KIF26A: variants seen among roughly 807,000 people sequenced by gnomAD.
KIF26A encodes the protein kinesin-like protein KIF26A.
A neutral mutation model predicts 126.0 loss-of-function variants in KIF26A; 74 were observed. That is an observed-to-expected ratio of 0.59 (90% CI 0.49 to 0.71). The LOEUF (loss-of-function observed/expected upper bound fraction) is 0.71. Ranked by LOEUF, KIF26A falls within the 30% of genes least tolerant of loss-of-function variation. The pLI is 0.00. For synonymous variants in KIF26A, 1,445 were observed against 1,232.7 expected, an observed-to-expected ratio of 1.17 and a Z score of -3.61; for missense variants, 2,984 against 2,763.3, an observed-to-expected ratio of 1.08 and a Z score of -1.79.
chr14:104,175,815 G>A lies in KIF26A; in HGVS notation c.3027G>A (p.Pro1009=), dbSNP rs1304370703. ...CPRLAAGSRC[P]ERGLLTTTVT... is the part of the protein sequence containing the mutation. The stretch of plus-strand genomic sequence containing the variant: ...GCCTGGCTGCTGGCAGTCGCTGTCC[G>A]GAGCGGGGCCTGCTCACCACCACAG... Residue 1009 remains proline (P), a synonymous_variant, in exon 12 of 15, where the codon CCG becomes CCA. Transcript: ENST00000423312. The A allele has an allele frequency of 7.1e-6, 11 of 1,538,786 alleles. No individual in the cohort carries two copies. The East Asian group carries it at 7.3e-5, about 10-fold the overall frequency.
rs2038038627 is a variant in KIF26A at position 104,177,057 on chromosome 14, C to T, written c.4269C>T (p.Ala1423=). ...PRATSSLKAR[A]SKVEAAHRLA... is the part of the protein sequence containing the mutation. ...CCACGTCCAGCCTGAAGGCCCGGGC[C>T]AGCAAGGTAGAAGCAGCACACCGTC... The change falls in exon 12 of 15, where the codon GCC becomes GCT. Residue 1423 remains alanine (A), a synonymous_variant. Coordinates refer to ENST00000423312, the MANE Select transcript of KIF26A (RefSeq NM_015656.2). 1 of 1,588,796 alleles carries T rather than the reference C, an allele frequency of 6.3e-7. No homozygotes were observed. The highest frequency in any genetic ancestry group is 8.5e-7 in the Non-Finnish European group (1 of 1,175,782).
chr14:104,174,243 A>G lies in KIF26A; in HGVS notation c.2126A>G (p.His709Arg). 6.3e-7 allele frequency: 1 copy of G among 1,578,022 alleles called. No individual in the cohort carries two copies. The stretch of plus-strand genomic sequence containing the variant: ...CACGTGTCGGATGCGCCAGCCCAGC[A>G]CGCAGAGACACTCAGCACCGTGCAG... ...IAHVSDAPAQ[H>R]AETLSTVQLA... Residue 709 changes from histidine to arginine, a missense_variant, in exon 11 of 15, where the codon CAC becomes CGC. Transcript: ENST00000423312.
chr14:104,169,458 A>G (rs1351442659), intron 5 of KIF26A, among the ~76,000 whole-genome samples: 1 of 152,044 alleles, frequency 6.6e-6, no homozygotes, highest in Non-Finnish European at 1.5e-5. Flanking sequence ...CATGGCAGTC[A>G]CACCCCCACC....
rs1345524947 is a variant in KIF26A, at chr14:104,152,628, C to A, written c.735+167C>A. Among the ~76,000 whole-genome samples the A allele has an allele frequency of 1.3e-5, 2 of 152,204 alleles. No individual in the cohort carries two copies. Among genetic ancestry groups the A allele is most frequent in the East Asian group, 3.8e-4 (2 of 5,202 alleles). ...CTCCTGAGGCCCCACATCAGATGCACCCTTGATGGTGCACAGCAGCTGTTC... is the reference window on the plus strand; with the variant it reads ...CTCCTGAGGCCCCACATCAGATGCAACCTTGATGGTGCACAGCAGCTGTTC... On this transcript the variant is annotated intron_variant, in intron 3 of 14. Coordinates refer to ENST00000423312, the MANE Select transcript of KIF26A (RefSeq NM_015656.2). This position sits in a 1 kb window ranked among gnomAD's most constrained non-coding sequence, Gnocchi z 5.9.
chr14:104,169,418 G>A (rs58635651), intron 5 of KIF26A, among the ~76,000 whole-genome samples: 4 of 152,282 alleles, frequency 2.6e-5, no homozygotes, highest in East Asian at 1.9e-4. Context: ...CCTCCTGGGG[G>A]CAGCCTTGGC....
At position 104,177,046 on chromosome 14, in the gene KIF26A, A is replaced by G. The variant is rs1462392899; in HGVS notation, c.4258A>G (p.Lys1420Glu). ...HSVPRATSSL[K>E]ARASKVEAAH... ...TGTCCCCAGGGCCACGTCCAGCCTG[A>G]AGGCCCGGGCCAGCAAGGTAGAAGC... Residue 1420 changes from lysine (K) to glutamate (E), a missense_variant, in exon 12 of 15, where the codon AAG becomes GAG. Physicochemically the swap from Lys to Glu is moderately conservative, Grantham distance 56 (BLOSUM62 1). Transcript: ENST00000423312. 2 of 1,583,218 alleles carry G rather than the reference A, an allele frequency of 1.3e-6. No homozygotes were observed. Among genetic ancestry groups the G allele is most frequent in the Non-Finnish European group, 1.7e-6 (2 of 1,173,164 alleles).
intron 2 of KIF26A, among the ~76,000 whole-genome samples, chr14:104,145,912 C>T (rs992660100): frequency 6.6e-5 from 10 of 152,218 alleles, no homozygotes; most frequent in African/African-American, 2.4e-4. Context: ...AAGTGTCAGG[C>T]GACCTGGCTC....
Position 104,152,658 on chromosome 14 carries a change from G to A in KIF26A, c.735+197G>A, listed in dbSNP as rs2037741537. On this transcript the variant is annotated intron_variant, in intron 3 of 14. Transcript: ENST00000423312. This position sits in a 1 kb window ranked among gnomAD's most constrained non-coding sequence, Gnocchi z 5.9. ...GATGGTGCACAGCAGCTGTTCTCAGGTCCCTGCCTGACTCAGGGAATACCT... is the reference window on the plus strand; with the variant it reads ...GATGGTGCACAGCAGCTGTTCTCAGATCCCTGCCTGACTCAGGGAATACCT... Among the ~76,000 whole-genome samples the A allele has an allele frequency of 6.6e-6, 1 of 152,186 alleles. No homozygotes were observed. Among genetic ancestry groups the A allele is most frequent in the Non-Finnish European group, 1.5e-5 (1 of 68,024 alleles).
rs550366184 is a variant in KIF26A, at chr14:104,175,822, G to A, written c.3034G>A (p.Gly1012Ser). 3.2e-6 allele frequency: 5 copies of A among 1,538,756 alleles called. No individual in the cohort carries two copies. Among genetic ancestry groups the A allele is most frequent in the African/African-American group, 1.4e-5 (1 of 73,218 alleles). The change falls in exon 12 of 15, where the codon GGC becomes AGC. Residue 1012 changes from glycine to serine, a missense_variant. Gly to Ser is a moderately conservative substitution (Grantham distance 56). Transcript: ENST00000423312. ...LAAGSRCPER[G>S]LLTTTVTLQR... ...TGCTGGCAGTCGCTGTCCGGAGCGG[G>A]GCCTGCTCACCACCACAGTGACCCT...
rs118061047 is a variant in KIF26A, at chr14:104,159,184, C to T, written c.923+1242C>T. On this transcript the variant is annotated intron_variant, in intron 4 of 14. Transcript: ENST00000423312. ...CCACCCCAATTAGGTGCCGAGAGCA[C>T]GGCTGGCTGGGACCCTGGTGGGAGC... 7.3e-3 allele frequency among the ~76,000 whole-genome samples: 1,107 copies of T among 152,322 alleles called. 10 individuals carry two copies. The highest frequency in any genetic ancestry group is 0.01 in the Non-Finnish European group (692 of 68,032).
chr14:104,138,620 G>C lies in KIF26A; in HGVS notation c.-103G>C. On this transcript the variant is annotated 5_prime_UTR_variant, in exon 1 of 15. Transcript: ENST00000423312. ...GCTCTGCGAACTTCCGAGCGGCTGGGCCGGGCCATGGGGGCGCCTCGGGGC... is the reference window on the plus strand; with the variant it reads ...GCTCTGCGAACTTCCGAGCGGCTGGCCCGGGCCATGGGGGCGCCTCGGGGC... The C allele has an allele frequency of 1.1e-6, 1 of 944,578 alleles. No individual in the cohort carries two copies. The highest frequency in any genetic ancestry group is 4.1e-5 in the East Asian group (1 of 24,144). The allele number at this position is 944,578 out of a possible 1,614,324, so 58.5% of individuals were successfully genotyped here.
rs530587822 is a variant in KIF26A, at chr14:104,166,959, G to A, written c.1024G>A (p.Gly342Arg). 2.8e-4 allele frequency: 438 copies of A among 1,590,960 alleles called. 5 individuals are homozygous for A. The South Asian group carries it at 2.9e-3, about 10-fold the overall frequency. Residue 342 changes from glycine to arginine, a missense_variant, in exon 5 of 15, where the codon GGG becomes AGG. Gly to Arg is a moderately radical substitution (Grantham distance 125). Transcript: ENST00000423312. ...GTSTYPTDFS[G>R]VLQLWPPPAP... The stretch of plus-strand genomic sequence containing the variant: ...CTCCACCTACCCCACCGACTTCAGC[G>A]GGGTCCTGCAGCTGTGGCCGCCCCC...
rs761640810 is a variant in KIF26A at position 104,175,133 on chromosome 14, G to A, written c.2345G>A (p.Ser782Asn). 5.0e-6 allele frequency: 8 copies of A among 1,607,052 alleles called. No homozygotes were observed. The highest frequency in any genetic ancestry group is 6.8e-6 in the Non-Finnish European group (8 of 1,177,772). ...CCCGGTGACCCCGATTACTCCTCCA[G>A]CAGCGAGCAGTCCTGTGACACGGTC... is the stretch of plus-strand genomic sequence containing the variant. The part of the protein sequence containing the change: ...CLPGDPDYSS[S>N]SEQSCDTVIY... Residue 782 changes from serine (S) to asparagine (N), a missense_variant, in exon 12 of 15, where the codon AGC becomes AAC. Coordinates refer to ENST00000423312, the MANE Select transcript of KIF26A (RefSeq NM_015656.2).
rs753377733 is a variant in KIF26A at position 104,148,237 on chromosome 14, A to G, written c.289-3778A>G. ...AATAAAGAACAAAGTCATGATTTGT[A>G]AGTAGGGGGGAGACTCCCTAAAACC... On this transcript the variant is annotated intron_variant, in intron 2 of 14. Transcript: ENST00000423312. This position sits in a 1 kb window ranked among gnomAD's most constrained non-coding sequence, Gnocchi z 4.3. Among the ~76,000 whole-genome samples, 48 of 152,342 alleles carry G rather than the reference A, an allele frequency of 3.2e-4. No individual in the cohort carries two copies. The highest frequency in any genetic ancestry group is 4.0e-4 in the Non-Finnish European group (27 of 68,038).
chr14:104,174,748 C>T (rs2037997655), intron 11 of KIF26A, among the ~76,000 whole-genome samples: 1 of 152,198 alleles, frequency 6.6e-6, no homozygotes, highest in South Asian at 2.1e-4. Context: ...GCTTCCCGTT[C>T]CCTCCCAGCG....
rs1408736674 is a variant in KIF26A at position 104,138,623 on chromosome 14, G to A, written c.-100G>A. On this transcript the variant is annotated 5_prime_UTR_variant, in exon 1 of 15. Transcript: ENST00000423312. ...CTGCGAACTTCCGAGCGGCTGGGCC[G>A]GGCCATGGGGGCGCCTCGGGGCCGG... 2.1e-6 allele frequency: 2 copies of A among 960,234 alleles called. No individual in the cohort carries two copies. Among genetic ancestry groups the A allele is most frequent in the African/African-American group, 1.7e-5 (1 of 57,588 alleles). 59.5% of individuals were successfully genotyped at this position (960,234 alleles called of 1,614,324 possible). A position where few individuals can be genotyped will look rare whatever the true frequency, so the allele number is the denominator to read the frequency against.
Position 104,179,772 on chromosome 14 carries a change from G to T in KIF26A, c.5631G>T (p.Pro1877=). The change falls in exon 15 of 15, where the codon CCG becomes CCT. Residue 1877 remains proline, a synonymous_variant. Transcript: ENST00000423312. ...CAGCCAGTGCTGCCATCCCGGGGCC[G>T]CAGGAGGTGGACGTCTGAGGCTGGG... ...SVAASAAIPG[P]QEVDV 1.9e-6 allele frequency: 3 copies of T among 1,541,214 alleles called. No individual in the cohort carries two copies. The highest frequency in any genetic ancestry group is 1.4e-5 in the African/African-American group (1 of 73,392).
In KIF26A at chr14:104,157,315, G is replaced by A. The variant is rs537905759; in HGVS notation, c.736-440G>A. Among the ~76,000 whole-genome samples, 16 of 152,308 alleles carry A rather than the reference G, an allele frequency of 1.1e-4. No homozygotes were observed. In the South Asian group the frequency reaches 1.2e-3, roughly 12 times the overall value. On this transcript the variant is annotated intron_variant, in intron 3 of 14. Transcript: ENST00000423312. ...TTAGTGTTCCTGCCAAATAGTTATC[G>A]TGGTTTCTTCTCTAATTACGCCGCT... is the stretch of plus-strand genomic sequence containing the variant.
In KIF26A at chr14:104,157,846, G is replaced by A; in HGVS notation, c.827G>A (p.Gly276Asp). 6.2e-7 allele frequency: 1 copy of A among 1,609,174 alleles called. No homozygotes were observed. The highest frequency in any genetic ancestry group is 8.5e-7 in the Non-Finnish European group (1 of 1,178,038). ...CCTGATGGCTTGTCGAAGGCCTGGG[G>A]CCGTGGTGGAGTCTGCACGTCAGCC... ...AGPDGLSKAW[G>D]RGGVCTSALV... The change falls in exon 4 of 15, where the codon GGC (glycine) becomes GAC (aspartate). Residue 276 changes from glycine to aspartate, a missense_variant. Gly to Asp is a moderately conservative substitution (Grantham distance 94). Coordinates refer to ENST00000423312, the MANE Select transcript of KIF26A (RefSeq NM_015656.2).
Sources: gnomAD v4.1 joint callset for allele counts (sites outside exome capture counted in the v4.1 genomes callset) on GRCh38, gnomAD v4.1.1 for gene constraint, Gnocchi (gnomAD v3.1) non-coding constraint, MANE v1.5 for transcripts, NCBI Gene and HGNC (gene_info 2026-07-23, HGNC 2026-07-21) for gene names.